Variants in DGKE observed in about 807,000 individuals in gnomAD.
DGKE encodes the protein DAG kinase epsilon.
A neutral mutation model predicts 70.0 loss-of-function variants in DGKE; 53 were observed. The ratio of observed to expected loss-of-function variants is 0.76; its 90% CI spans 0.61 to 0.95. The LOEUF is 0.95. Among genes scored for constraint, DGKE ranks in the 40% least tolerant of loss-of-function variants. The pLI is 0.00. For synonymous variants in DGKE, 291 were observed against 257.0 expected (o/e 1.13, Z -1.27); for missense variants, 655 against 706.9 (o/e 0.93, Z 0.83).
rs1908360162 is a variant in DGKE, at chr17:56,862,600, C to T, written c.1525-12C>T. The T allele has an allele frequency of 2.0e-6, 3 of 1,507,630 alleles. No homozygotes were observed. Among genetic ancestry groups the T allele is most frequent in the Non-Finnish European group, 2.6e-6 (3 of 1,133,932 alleles). 93.4% of individuals were successfully genotyped at this position (1,507,630 alleles called of 1,614,324 possible). A position where few individuals can be genotyped will look rare whatever the true frequency, so the allele number is the denominator to read the frequency against. On this transcript the variant is annotated splice_polypyrimidine_tract_variant and intron_variant, in intron 11 of 11. Coordinates refer to ENST00000284061, the MANE Select transcript of DGKE (RefSeq NM_003647.3). ...GACTGACTTTTAAACATTATTTGTT[C>T]CCTAATATCAGCTGATTTTGAAGTG...
At chr17:56,839,175 CA>C (rs564645882) in intron 2 of DGKE, among the ~76,000 whole-genome samples, 5 of 151,754 alleles carry the variant, frequency 3.3e-5, no homozygotes, top group African/African-American at 7.3e-5. Context: ...TTCAAATGAT[CA>C]AAAAAATATG....
intron 2 of DGKE, chr17:56,836,494 C>A (rs1906630791): frequency 6.6e-6 from 1 of 152,190 alleles, no homozygotes; most frequent in Non-Finnish European, 1.5e-5. Context: ...TCCTTCCCTT[C>A]TCTGGTGTAG....
At chr17:56,861,972 T>A in intron 10 of DGKE, 54 bp downstream of exon 10, 1 of 1,554,138 alleles carries the variant, frequency 6.4e-7, no homozygotes, top group Non-Finnish European at 8.6e-7. Flanking sequence ...TAAAGCAATC[T>A]CTTGTTTATA....
At chr17:56,851,916 A>G (rs939332107) in intron 7 of DGKE, among the ~76,000 whole-genome samples, 4 of 152,200 alleles carry the variant, frequency 2.6e-5, no homozygotes, top group Admixed American at 1.3e-4. Flanking sequence ...AACAAAAAGC[A>G]AAGGAACTGG....
At chr17:56,848,673 A>G in intron 5 of DGKE, 23 bp from the exon 6 acceptor site, 4 of 1,606,460 alleles carry the variant, frequency 2.5e-6, no homozygotes, top group Non-Finnish European at 3.4e-6. Context: ...AGAAAAATCT[A>G]AAACATATCT....
intron 2 of DGKE, among the ~76,000 whole-genome samples, chr17:56,837,117 G>T (rs1395371598): frequency 6.6e-6 from 1 of 152,164 alleles, no homozygotes; most frequent in Non-Finnish European, 1.5e-5. Context: ...AAATTCTAGG[G>T]TTGCTAGATT....
At chr17:56,845,296 G>A (rs2049061) in intron 3 of DGKE, among the ~76,000 whole-genome samples, 107,653 of 152,046 alleles carry the variant, frequency 0.71, 38,532 homozygotes, top group East Asian at 0.91. Context: ...AAGGTGAAAG[G>A]TCAGAGAAAA....
chr17:56,839,270 A>G (rs974829521), intron 2 of DGKE, among the ~76,000 whole-genome samples: 1 of 152,170 alleles, frequency 6.6e-6, no homozygotes, highest in African/African-American at 2.4e-5. Context: ...TCATTTTGCT[A>G]TCCTTTTGAC....
Position 56,835,150 on chromosome 17 carries a change from G to A in DGKE, c.355G>A (p.Val119Ile), listed in dbSNP as rs762662843. Residue 119 changes from valine (V) to isoleucine (I), a missense_variant, in exon 2 of 12, where the codon GTC (valine) becomes ATC (isoleucine). By Grantham distance (29) the Val-to-Ile change is conservative (BLOSUM62 3). Coordinates refer to ENST00000284061, the MANE Select transcript of DGKE (RefSeq NM_003647.3). Reference sequence around the variant, plus strand: ...GATTATGCTCAAGAATGACACCAAGGTCCTGGACGCCATGCCCCACCACTG... The same window carrying A: ...GATTATGCTCAAGAATGACACCAAGATCCTGGACGCCATGCCCCACCACTG... ...KEIMLKNDTK[V>I]LDAMPHHWIR... 6.2e-7 allele frequency: 1 copy of A among 1,614,022 alleles called. No homozygotes were observed. Among genetic ancestry groups the A allele is most frequent in the Non-Finnish European group, 8.5e-7 (1 of 1,180,040 alleles).
At position 56,863,457 on chromosome 17, in the gene DGKE, A is replaced by G. The variant is rs562375485; in HGVS notation, c.*666A>G. ...TGAGCTGCAATTCAGGATCTTTTTT[A>G]TAACACCAGTGTAGCCAAAAGAGAA... On this transcript the variant is annotated 3_prime_UTR_variant, in exon 12 of 12. Transcript: ENST00000284061. The G allele has an allele frequency of 6.6e-6, 1 of 152,370 alleles. No individual in the cohort carries two copies. The highest frequency in any genetic ancestry group is 6.5e-5 in the Admixed American group (1 of 15,310). The allele number at this position is 152,370 out of a possible 1,614,324, so 9.4% of individuals were successfully genotyped here.
chr17:56,858,515 C>T, intron 8 of DGKE, 79 bp from the exon 9 acceptor site: 1 of 1,199,474 alleles, frequency 8.3e-7, no homozygotes, highest in Non-Finnish European at 1.2e-6. Flanking sequence ...TTAAAGGGAG[C>T]TTTGATACAG....
Position 56,864,183 on chromosome 17 carries a change from G to C in DGKE, c.*1392G>C, listed in dbSNP as rs1202524207. The C allele has an allele frequency of 1.3e-5, 2 of 152,194 alleles. No homozygotes were observed. Among genetic ancestry groups the C allele is most frequent in the Non-Finnish European group, 2.9e-5 (2 of 68,042 alleles). 9.4% of individuals were successfully genotyped at this position (152,194 alleles called of 1,614,324 possible). ...TGCTGTTGACCAGCCCAAGGGTCGT[G>C]ACCCACAGGTCGGCTGACCCAGAGG... On this transcript the variant is annotated 3_prime_UTR_variant, in exon 12 of 12. Transcript: ENST00000284061.
At chr17:56,834,722 G>C (rs1292286675) in intron 1 of DGKE, 56 bp from the exon 2 acceptor site, 4 of 1,479,194 alleles carry the variant, frequency 2.7e-6, no homozygotes, top group South Asian at 1.3e-5. Context: ...AGGCAGGAAG[G>C]GGGCGGGGAA....
chr17:56,844,315 G>T (rs776798706), intron 3 of DGKE, 137 bp downstream of exon 3: 3 of 571,248 alleles, frequency 5.3e-6, no homozygotes, highest in Non-Finnish European at 8.0e-6. Context: ...CAAGACCAAG[G>T]AGAGAAATAA....
chr17:56,852,081 AG>A (rs1313216075), intron 7 of DGKE, among the ~76,000 whole-genome samples: 1 of 152,118 alleles, frequency 6.6e-6, no homozygotes, highest in Non-Finnish European at 1.5e-5. Flanking sequence ...CTCTAAAAAA[AG>A]AGAAAAAGAA....
intron 10 of DGKE, 95 bp from the exon 11 acceptor site, chr17:56,862,045 A>T: frequency 6.6e-7 from 1 of 1,526,254 alleles, no homozygotes; most frequent in Non-Finnish European, 8.9e-7. Context: ...AATATTTTTT[A>T]AGTTGATGGT....
intron 2 of DGKE, 106 bp downstream of exon 2, chr17:56,835,365 A>C (rs770283642): frequency 3.4e-6 from 4 of 1,184,578 alleles, no homozygotes; most frequent in Non-Finnish European, 4.7e-6. Context: ...ACCTAAACTC[A>C]TTTTGAGGAA....
chr17:56,841,311 T>C (rs1221396680), intron 2 of DGKE, among the ~76,000 whole-genome samples: 1 of 151,348 alleles, frequency 6.6e-6, no homozygotes, highest in East Asian at 1.9e-4. Context: ...CAAACGGAAA[T>C]ACATATCTGT....
intron 4 of DGKE, among the ~76,000 whole-genome samples, chr17:56,846,908 T>A (rs1043099826): frequency 6.6e-6 from 1 of 152,224 alleles, no homozygotes; most frequent in African/African-American, 2.4e-5. Context: ...CTGATTTTTT[T>A]AATTTTAATG....
Sources: gnomAD v4.1 joint callset for allele counts (sites outside exome capture counted in the v4.1 genomes callset) on GRCh38, gnomAD v4.1.1 for gene constraint, MANE v1.5 for transcripts, NCBI Gene and HGNC (gene_info 2026-07-23, HGNC 2026-07-21) for gene names.